Variants in IQGAP2 observed in about 807,000 individuals in gnomAD.
The protein encoded by IQGAP2 is IQ motif containing GTPase activating protein 2, also known as ras GTPase-activating-like protein IQGAP2.
A neutral mutation model predicts 201.3 loss-of-function variants in IQGAP2; 173 were observed. The observed-to-expected ratio is 0.86, with a 90% CI of 0.76 to 0.98. The LOEUF (loss-of-function observed/expected upper bound fraction) is 0.98, where lower values mean the gene tolerates loss of function less well. IQGAP2 is among the 50% of genes least tolerant of loss of function. The pLI, the probability that IQGAP2 is intolerant of heterozygous loss-of-function variation, is 0.00. For missense variants in IQGAP2, 1,687 were observed against 1,864.8 expected, an observed-to-expected ratio of 0.90 and a Z score of 1.76; for synonymous variants, 675 against 673.9, an observed-to-expected ratio of 1.00 and a Z score of -0.03.
chr5:76,419,423 G>A (rs190524246), intron 1 of IQGAP2, among the ~76,000 whole-genome samples: 2 of 151,818 alleles, frequency 1.3e-5, no homozygotes, highest in East Asian at 1.9e-4. Flanking sequence ...TGCAACCTCC[G>A]CCTCCCAAGT....
At chr5:76,538,144 A>C (rs552532725) in intron 2 of IQGAP2, among the ~76,000 whole-genome samples, 212 of 152,320 alleles carry the variant, frequency 1.4e-3, no homozygotes, top group African/African-American at 4.8e-3. Context: ...TATTTCTTAC[A>C]TGGCAGCGGG....
rs1405584536 is a variant in IQGAP2 at position 76,673,441 on chromosome 5, G to A, written c.3069-8G>A. 1 of 1,610,728 alleles carries A rather than the reference G, an allele frequency of 6.2e-7. No individual in the cohort carries two copies. Among genetic ancestry groups the A allele is most frequent in the Non-Finnish European group, 8.5e-7 (1 of 1,178,814 alleles). On this transcript the variant is annotated splice_polypyrimidine_tract_variant and splice_region_variant and intron_variant, in intron 24 of 35. Coordinates refer to ENST00000274364, the MANE Select transcript of IQGAP2 (RefSeq NM_006633.5). ...CCTCCAGTTAATTTAAAGCCTTTGT[G>A]TTTTCAGCAAGTTGCCTTATGATGT...
At chr5:76,425,036 A>G in intron 1 of IQGAP2, among the ~76,000 whole-genome samples, 1 of 152,214 alleles carries the variant, frequency 6.6e-6, no homozygotes. Context: ...GGAGGCAAGT[A>G]TTCTGGAGAC....
rs374266500 is a variant in IQGAP2, at chr5:76,627,858, C to T, written c.1612+358C>T. 3.7e-4 allele frequency among the ~76,000 whole-genome samples: 57 copies of T among 152,126 alleles called. 1 individual carries two copies. The highest frequency in any genetic ancestry group is 1.2e-3 in the South Asian group (6 of 4,818). On this transcript the variant is annotated intron_variant, in intron 14 of 35. Coordinates refer to ENST00000274364, the MANE Select transcript of IQGAP2 (RefSeq NM_006633.5). ...GGCCTTTATAGTTACCAGGGTTTTC[C>T]ACAGAAACAGAACCAATAGGAGACC... is the stretch of plus-strand genomic sequence containing the variant.
intron 5 of IQGAP2, 98 bp from the exon 6 acceptor site, chr5:76,588,808 G>A: frequency 1.7e-6 from 1 of 596,606 alleles, no homozygotes; most frequent in Non-Finnish European, 2.8e-6. Flanking sequence ...TATCTCTTAG[G>A]TCTTTTCAAC....
At chr5:76,524,352 A>G (rs1758851404) in intron 2 of IQGAP2, among the ~76,000 whole-genome samples, 1 of 152,226 alleles carries the variant, frequency 6.6e-6, no homozygotes, top group South Asian at 2.1e-4. Context: ...ATAGCCTGGT[A>G]AAGCCATTTA....
At chr5:76,494,663 T>C (rs1166317016) in intron 2 of IQGAP2, among the ~76,000 whole-genome samples, 3 of 152,048 alleles carry the variant, frequency 2.0e-5, no homozygotes, top group Non-Finnish European at 2.9e-5. Flanking sequence ...TTTTTGTTGT[T>C]GTTGTTTTTT....
Position 76,658,592 on chromosome 5 carries a change from T to C in IQGAP2, c.2454T>C (p.Asn818=). ...REEVVTKIRA[N]QQLEKDLNLM... is the part of the protein sequence containing the mutation. ...AAGTAGTGACCAAGATCAGGGCCAA[T>C]CAACAGCTGGAAAAAGACCTGAACC... Residue 818 remains asparagine (N), a synonymous_variant, in exon 21 of 36, where the codon AAT becomes AAC. Transcript: ENST00000274364. The C allele has an allele frequency of 6.2e-7, 1 of 1,613,994 alleles. No individual in the cohort carries two copies. The highest frequency in any genetic ancestry group is 1.1e-5 in the South Asian group (1 of 91,038).
At chr5:76,609,086 T>G in intron 12 of IQGAP2, 5 of 1,534,218 alleles carry the variant, frequency 3.3e-6, no homozygotes, top group Non-Finnish European at 4.4e-6. Flanking sequence ...TGTCATTCAC[T>G]ATGACCTCAG....
intron 13 of IQGAP2, among the ~76,000 whole-genome samples, chr5:76,619,888 T>C (rs1424982511): frequency 2.0e-5 from 3 of 152,034 alleles, no homozygotes; most frequent in Non-Finnish European, 4.4e-5. Context: ...ACAGTCCATA[T>C]AAGGGGAAGG....
rs551927409 is a variant in IQGAP2, at chr5:76,436,082, T to C, written c.47-25488T>C. 1.4e-3 allele frequency among the ~76,000 whole-genome samples: 207 copies of C among 152,318 alleles called. 1 individual carries two copies. The highest frequency in any genetic ancestry group is 2.4e-3 in the Non-Finnish European group (164 of 68,030). On this transcript the variant is annotated intron_variant, in intron 1 of 35. Coordinates refer to ENST00000274364, the MANE Select transcript of IQGAP2 (RefSeq NM_006633.5). ...TACATTGATTTTATAACCTGAGACT[T>C]TACTGAACGCATTTTTCAAATCTAG... is the stretch of plus-strand genomic sequence containing the variant.
At chr5:76,559,102 C>T (rs1044179562) in intron 2 of IQGAP2, among the ~76,000 whole-genome samples, 21 of 152,094 alleles carry the variant, frequency 1.4e-4, no homozygotes, top group African/African-American at 3.9e-4. Context: ...GGGGTTTCAC[C>T]GTGTTAGCCA....
intron 2 of IQGAP2, among the ~76,000 whole-genome samples, chr5:76,549,821 C>T (rs1223350322): frequency 6.6e-6 from 1 of 152,026 alleles, no homozygotes; most frequent in African/African-American, 2.4e-5. Flanking sequence ...TTAACTTAAC[C>T]ATCTCTTTAA....
At chr5:76,515,844 T>A (rs999499330) in intron 2 of IQGAP2, among the ~76,000 whole-genome samples, 67 of 151,618 alleles carry the variant, frequency 4.4e-4, no homozygotes, top group African/African-American at 1.5e-3. Context: ...GATATATAAA[T>A]GTCCTCATTG....
chr5:76,492,439 G>A (rs1756612102), intron 2 of IQGAP2, among the ~76,000 whole-genome samples: 1 of 152,202 alleles, frequency 6.6e-6, no homozygotes, highest in Non-Finnish European at 1.5e-5. Flanking sequence ...TCCATAAGCT[G>A]GGGTGAAGGA....
At chr5:76,425,640 G>GA (rs111731135) in intron 1 of IQGAP2, among the ~76,000 whole-genome samples, 3,192 of 150,750 alleles carry the variant, frequency 0.021, 102 homozygotes, top group African/African-American at 0.068. Flanking sequence ...ATAAGCAAAA[G>GA]AAAAAAAAAC....
chr5:76,694,584 G>A (rs1746557133), intron 31 of IQGAP2, among the ~76,000 whole-genome samples: 1 of 152,162 alleles, frequency 6.6e-6, no homozygotes, highest in South Asian at 2.1e-4. Context: ...GCAGGATTAA[G>A]TCAATTAAAC....
chr5:76,560,955 C>A (rs988690430), intron 2 of IQGAP2, among the ~76,000 whole-genome samples: 2 of 152,160 alleles, frequency 1.3e-5, no homozygotes, highest in African/African-American at 2.4e-5. Flanking sequence ...AGATTAACAA[C>A]AGTAACTAAT....
Position 76,405,464 on chromosome 5 carries a change from T to C in IQGAP2, c.46+1873T>C, listed in dbSNP as rs1294344385. 2.4e-4 allele frequency among the ~76,000 whole-genome samples: 36 copies of C among 152,248 alleles called. 1 individual carries two copies. Among genetic ancestry groups the C allele is most frequent in the Admixed American group, 2.4e-3 (36 of 15,290 alleles). On this transcript the variant is annotated intron_variant, in intron 1 of 35. Coordinates refer to ENST00000274364, the MANE Select transcript of IQGAP2 (RefSeq NM_006633.5). ...GGCATTCAAGTTGGTCACTTAACACTGTCAAAATGGAAAATATTTGCCTAT... is the reference window on the plus strand; with the variant it reads ...GGCATTCAAGTTGGTCACTTAACACCGTCAAAATGGAAAATATTTGCCTAT...
Sources: allele counts gnomAD v4.1 joint callset (sites outside exome capture counted in the v4.1 genomes callset), GRCh38; gene constraint gnomAD v4.1.1; transcripts MANE v1.5; gene names NCBI Gene and HGNC (gene_info 2026-07-23, HGNC 2026-07-21).